The following TLE2 variants were observed in gnomAD, a reference collection of about 807,000 sequenced individuals.
The protein encoded by TLE2 is TLE family member 2, transcriptional corepressor, also known as transducin-like enhancer protein 2.
TLE2 carries 74 observed loss-of-function variants against 97.2 expected under a neutral mutation model. The ratio of observed to expected loss-of-function variants is 0.76; its 90% CI spans 0.63 to 0.92. TLE2 has a LOEUF of 0.92. Ranked by LOEUF, TLE2 falls within the 40% of genes least tolerant of loss-of-function variation. TLE2 has a pLI of 0.00. For missense variants in TLE2, 1,038 were observed against 1,008.7 expected, an observed-to-expected ratio of 1.03 and a Z score of -0.39; for synonymous variants, 499 against 432.1, an observed-to-expected ratio of 1.15 and a Z score of -1.92.
At chr19:3,037,438 A>T (rs2090070835) in intron 1 of TLE2, among the ~76,000 whole-genome samples, 1 of 152,254 alleles carries the variant, frequency 6.6e-6, no homozygotes, top group Admixed American at 6.5e-5. Context: ...GGCAGCCTTA[A>T]GCCCTTTCCT....
intron 19 of TLE2, among the ~76,000 whole-genome samples, chr19:2,999,192 G>A (rs1219385629): frequency 6.6e-6 from 1 of 152,014 alleles, no homozygotes; most frequent in African/African-American, 2.4e-5. Context: ...TGTGGGAGGA[G>A]AATCGCTTTA....
chr19:3,031,991 G>A (rs533475345), upstream of TLE2, among the ~76,000 whole-genome samples: 14 of 152,200 alleles, frequency 9.2e-5, no homozygotes, highest in African/African-American at 2.2e-4. Flanking sequence ...GCAGTGGCGC[G>A]ATCTCGGCTC....
chr19:3,005,385 G>T lies in TLE2; in HGVS notation c.1896+52C>A, dbSNP rs2089451156. On this transcript the variant is annotated intron_variant, in intron 17 of 19. Transcript: ENST00000262953. ...TGGGCACCTCACAAGGAGAGGAAGG[G>T]ATGCTGTATTCCTAGAGCTTCCATC... 1.9e-6 allele frequency: 3 copies of T among 1,595,916 alleles called. No individual in the cohort carries two copies. The Admixed American group carries it at 5.2e-5, about 28-fold the overall frequency.
In TLE2 at chr19:3,009,580, G is replaced by T. The variant is rs765448685; in HGVS notation, c.1135C>A (p.Gln379Lys). The T allele has an allele frequency of 4.5e-5, 73 of 1,613,064 alleles. No homozygotes were observed. Among genetic ancestry groups the T allele is most frequent in the Non-Finnish European group, 6.2e-5 (73 of 1,179,618 alleles). ...SSYVSLHLSP[Q>K]VSSSVVYGRS... is the part of the protein sequence containing the mutation. ...CCGTACACCACAGAGCTGCTGACCT[G>T]GGGGGACAGGTGGAGGCTGACGTAG... The change falls in exon 13 of 20, where the codon CAG becomes AAG. Residue 379 changes from glutamine to lysine, a missense_variant. Transcript: ENST00000262953.
At chr19:3,023,646 A>G (rs1415313732) in intron 5 of TLE2, among the ~76,000 whole-genome samples, 3 of 152,086 alleles carry the variant, frequency 2.0e-5, no homozygotes, top group Non-Finnish European at 2.9e-5. Context: ...TGTAAACCCA[A>G]CACTCGGAGC....
At chr19:3,013,229 A>G (rs216270) in intron 11 of TLE2, among the ~76,000 whole-genome samples, 63,558 of 151,762 alleles carry the variant, frequency 0.42, 16,910 homozygotes, top group African/African-American at 0.76. Flanking sequence ...GGTCCAACTG[A>G]AAACTTGTTC....
At chr19:3,016,106 T>C (rs2089697628) in intron 8 of TLE2, among the ~76,000 whole-genome samples, 1 of 151,766 alleles carries the variant, frequency 6.6e-6, no homozygotes, top group African/African-American at 2.4e-5. Context: ...CAGCTAATTT[T>C]TGTATTTTTA....
In TLE2 at chr19:3,028,319, C is replaced by G; in HGVS notation, c.186G>C (p.Met62Ile). The change falls in exon 3 of 20, where the codon ATG (methionine) becomes ATC (isoleucine). Residue 62 changes from methionine to isoleucine, a missense_variant and splice_region_variant. Coordinates refer to ENST00000262953, the MANE Select transcript of TLE2 (RefSeq NM_003260.5). ...EKTEMQRHYV[M>I]YYEMSYGLNI... ...ACCCTGGCATCATAAGTGCCCTCAC[C>G]ATGACATAATGTCGCTGCATTTCCG... 6.2e-7 allele frequency: 1 copy of G among 1,608,098 alleles called. No individual in the cohort carries two copies. Among genetic ancestry groups the G allele is most frequent in the East Asian group, 2.2e-5 (1 of 44,776 alleles).
chr19:3,003,111 T>G (rs2089401412), intron 17 of TLE2, among the ~76,000 whole-genome samples: 1 of 152,130 alleles, frequency 6.6e-6, no homozygotes, highest in Admixed American at 6.5e-5. Context: ...GGCCCAGGAC[T>G]GGGAACACAG....
chr19:3,019,650 C>T lies in TLE2; in HGVS notation c.369+49G>A. 1 of 1,585,682 alleles carries T rather than the reference C, an allele frequency of 6.3e-7. No homozygotes were observed. On this transcript the variant is annotated intron_variant, in intron 6 of 19. Coordinates refer to ENST00000262953, the MANE Select transcript of TLE2 (RefSeq NM_003260.5). This position sits in a 1 kb window ranked among gnomAD's most constrained non-coding sequence, Gnocchi z 5.1. ...CACCTCCTGGGTGGGTGCCAGGGACCTGGGAGTGGGCGTCTCCCCATGGCG... is the reference window on the plus strand; with the variant it reads ...CACCTCCTGGGTGGGTGCCAGGGACTTGGGAGTGGGCGTCTCCCCATGGCG...
exon 1 of TLE2, chr19:3,045,783 C>A: frequency 2.3e-6 from 1 of 436,384 alleles, no homozygotes; most frequent in Non-Finnish European, 4.7e-6. Flanking sequence ...GCCGTGATTG[C>A]ACCATTGCAC....
At chr19:3,037,279 T>C (rs987494576) in intron 1 of TLE2, among the ~76,000 whole-genome samples, 1 of 152,162 alleles carries the variant, frequency 6.6e-6, no homozygotes, top group Non-Finnish European at 1.5e-5. Flanking sequence ...AGTGAGACTC[T>C]GTCTCAAAAA....
chr19:2,998,273 G>C (rs866646435), intron 19 of TLE2, among the ~76,000 whole-genome samples: 1 of 62,584 alleles, frequency 1.6e-5, no homozygotes, highest in African/African-American at 4.9e-5. Context: ...GTGTGTGTGT[G>C]TGTAATTTTT....
chr19:3,016,341 C>T (rs796195977), intron 8 of TLE2, among the ~76,000 whole-genome samples: 25 of 146,136 alleles, frequency 1.7e-4, no homozygotes, highest in African/African-American at 6.0e-4. Flanking sequence ...TTTGGGAGGC[C>T]GAGGCGGGCG....
chr19:3,008,970 A>G (rs772078229), intron 13 of TLE2, 25 bp from the exon 14 acceptor site: 1 of 1,549,024 alleles, frequency 6.5e-7, no homozygotes, highest in South Asian at 1.2e-5. Context: ...GGGGGGTGTC[A>G]GTGAGGCAGG....
At chr19:3,035,908 A>G (rs1225506687) in intron 1 of TLE2, among the ~76,000 whole-genome samples, 1 of 149,466 alleles carries the variant, frequency 6.7e-6, no homozygotes, top group South Asian at 2.1e-4. Flanking sequence ...CTCCATTATT[A>G]TCCAGAAACA....
At chr19:3,000,822 C>CT in intron 18 of TLE2, 99 bp from the exon 19 acceptor site, 1 of 682,644 alleles carries the variant, frequency 1.5e-6, no homozygotes, top group Non-Finnish European at 2.2e-6. Flanking sequence ...TCTGGCCTCT[C>CT]CCTTTTTTTT....
chr19:3,003,909 G>A (rs1458223841), intron 17 of TLE2, among the ~76,000 whole-genome samples: 2 of 152,104 alleles, frequency 1.3e-5, no homozygotes, highest in Non-Finnish European at 2.9e-5. Flanking sequence ...GTTTCTCCAT[G>A]TTGGTCAGGC....
intron 1 of TLE2, among the ~76,000 whole-genome samples, chr19:3,042,560 T>C (rs10423018): frequency 0.029 from 4,383 of 150,264 alleles, 231 homozygotes; most frequent in African/African-American, 0.1. Flanking sequence ...CTGGAGACTT[T>C]GAAGGACAGA....
Sources: gnomAD v4.1 joint callset for allele counts (sites outside exome capture counted in the v4.1 genomes callset) on GRCh38, gnomAD v4.1.1 for gene constraint, Gnocchi (gnomAD v3.1) non-coding constraint, MANE v1.5 for transcripts, NCBI Gene and HGNC (gene_info 2026-07-23, HGNC 2026-07-21) for gene names.